Variants in MARF1 observed in about 807,000 individuals in gnomAD.
MARF1 encodes the protein meiosis regulator and mRNA stability factor 1, also known as limkain-b1.
In MARF1, 24 loss-of-function variants were observed where a neutral mutation model predicts 168.2. The observed-to-expected ratio is 0.14, with a 90% confidence interval of 0.10 to 0.20. MARF1 has a LOEUF of 0.20. MARF1 is among the 10% of genes least tolerant of loss of function. MARF1 has a pLI of 1.00. For missense variants in MARF1, 1,744 were observed against 2,143.6 expected, an observed-to-expected ratio of 0.81 and a Z score of 3.68; for synonymous variants, 868 against 822.4, an observed-to-expected ratio of 1.06 and a Z score of -0.95.
intron 20 of MARF1, 48 bp from the exon 21 acceptor site, chr16:15,608,566 G>C (rs753970099): frequency 7.1e-7 from 1 of 1,412,272 alleles, no homozygotes. Context: ...CAAATCACGG[G>C]TGTTTACAGA....
chr16:15,613,010 C>T (rs1300410907), intron 16 of MARF1, among the ~76,000 whole-genome samples: 2 of 152,108 alleles, frequency 1.3e-5, no homozygotes, highest in East Asian at 1.9e-4. Context: ...CAAAGTTAAG[C>T]GGCCAAGGTA....
At chr16:15,629,524 T>C (rs892950638) in intron 7 of MARF1, among the ~76,000 whole-genome samples, 1 of 152,282 alleles carries the variant, frequency 6.6e-6, no homozygotes, top group South Asian at 2.1e-4. Context: ...AGACTTTGCA[T>C]GAGATCATGT....
chr16:15,620,194 A>C (rs8044762), intron 13 of MARF1, among the ~76,000 whole-genome samples: 143 of 151,854 alleles, frequency 9.4e-4, no homozygotes, highest in African/African-American at 3.4e-3. Flanking sequence ...ACAAACAAAC[A>C]AAAAAAACAA....
intron 23 of MARF1, chr16:15,601,157 A>T (rs536481591): frequency 2.2e-6 from 1 of 449,150 alleles, no homozygotes; most frequent in East Asian, 7.0e-5. Flanking sequence ...AGCCAAGCAG[A>T]GTGGTAGTAG....
intron 25 of MARF1, chr16:15,599,296 G>A: frequency 2.1e-6 from 1 of 471,160 alleles, no homozygotes; most frequent in Non-Finnish European, 3.8e-6. Flanking sequence ...CCAGAGAAAA[G>A]GGTCCTGCAG....
In MARF1 at chr16:15,596,142, T is replaced by TC. The variant is rs1214013680; in HGVS notation, c.*550dup. On this transcript the variant is annotated 3_prime_UTR_variant, in exon 27 of 27. Transcript: ENST00000396368. ...CAAGTCACATGGAAGCCAGGAACCT[T>TC]CACATTCCAACCTGAAAATACACTC... 6.5e-6 allele frequency: 1 copy of TC among 152,694 alleles called. No homozygotes were observed. The highest frequency in any genetic ancestry group is 6.5e-5 in the Admixed American group (1 of 15,288). 9.5% of individuals were successfully genotyped at this position (152,694 alleles called of 1,614,324 possible).
intron 4 of MARF1, 58 bp from the exon 5 acceptor site, chr16:15,633,901 A>G: frequency 2.2e-6 from 3 of 1,360,494 alleles, no homozygotes; most frequent in African/African-American, 1.5e-5. Flanking sequence ...GCAAGTTACA[A>G]TAAGATAATA....
At chr16:15,636,419 C>T in intron 2 of MARF1, 77 bp from the exon 3 acceptor site, 1 of 1,017,804 alleles carries the variant, frequency 9.8e-7, no homozygotes, top group Non-Finnish European at 1.4e-6. Flanking sequence ...TTACTGCATG[C>T]ACAAACAGAA....
rs1261291576 is a variant in MARF1, at chr16:15,604,358, T to C, written c.4223A>G (p.Asn1408Ser). 2 of 1,614,136 alleles carry C rather than the reference T, an allele frequency of 1.2e-6. No individual in the cohort carries two copies. Among genetic ancestry groups the C allele is most frequent in the African/African-American group, 1.3e-5 (1 of 75,046 alleles). The change falls in exon 22 of 27, where the codon AAC becomes AGC. Residue 1408 changes from asparagine (N) to serine (S), a missense_variant. Transcript: ENST00000396368. The part of the protein sequence containing the change: ...IESGRQIQLI[N>S]RKSLRSLTAQ... ...AGTGAGAGATCGCAGAGACTTTCGG[T>C]TGATCAGCTGAATCTGTCTGCCAGA...
At chr16:15,641,174 GA>G (rs976722089) in intron 1 of MARF1, among the ~76,000 whole-genome samples, 24 of 149,200 alleles carry the variant, frequency 1.6e-4, no homozygotes, top group African/African-American at 2.0e-4. Flanking sequence ...GCATTACAGA[GA>G]AAAAAAAAAT....
intron 16 of MARF1, among the ~76,000 whole-genome samples, chr16:15,614,567 T>C (rs1302049625): frequency 5.7e-5 from 8 of 141,008 alleles, no homozygotes; most frequent in South Asian, 2.3e-4. Context: ...GGGCGGATCA[T>C]GAGGTCAGGA....
At chr16:15,623,975 G>T (rs148186865) in intron 10 of MARF1, among the ~76,000 whole-genome samples, 2 of 147,262 alleles carry the variant, frequency 1.4e-5, no homozygotes, top group Non-Finnish European at 3.0e-5. Context: ...GCAGTCATGC[G>T]ATCTGAGCTC....
Position 15,635,144 on chromosome 16 carries a change from T to G in MARF1, c.832-213A>C, listed in dbSNP as rs934520218. 3 of 516,932 alleles carry G rather than the reference T, an allele frequency of 5.8e-6. No individual in the cohort carries two copies. In the Admixed American group the frequency reaches 1.1e-4, roughly 18 times the overall value. 32.0% of individuals were successfully genotyped at this position (516,932 alleles called of 1,614,324 possible). ...AGTGACTTGACATGATCAAGAAAGA[T>G]ATTCACGTGGTCAGATCTTTACATT... On this transcript the variant is annotated intron_variant, in intron 3 of 26. Coordinates refer to ENST00000396368, the MANE Select transcript of MARF1 (RefSeq NM_014647.4).
Position 15,636,155 on chromosome 16 carries a change from G to C in MARF1, c.332C>G (p.Thr111Ser). Residue 111 changes from threonine (T) to serine (S), a missense_variant, in exon 3 of 27, where the codon ACT (threonine) becomes AGT (serine). Around this residue, in one of 7 missense-constraint regions of MARF1, gnomAD observed 318 missense variants for 336.6 expected, o/e 0.94. Coordinates refer to ENST00000396368, the MANE Select transcript of MARF1 (RefSeq NM_014647.4). ...CCAHCPNEPS[T>S]SPMRFGGGGG... ...ACCACCACCAAAACGCATTGGCGAA[G>C]TGGAGGGTTCATTAGGGCAATGAGC... is the stretch of plus-strand genomic sequence containing the variant. The C allele has an allele frequency of 6.2e-7, 1 of 1,614,244 alleles. No individual in the cohort carries two copies. The highest frequency in any genetic ancestry group is 2.2e-5 in the East Asian group (1 of 44,884).
chr16:15,627,962 T>C (rs1163654091), intron 7 of MARF1, among the ~76,000 whole-genome samples: 1 of 152,186 alleles, frequency 6.6e-6, no homozygotes, highest in Non-Finnish European at 1.5e-5. Flanking sequence ...AGAACTCTTA[T>C]GCCTTGGAAA....
At chr16:15,620,253 A>G (rs960197162) in intron 13 of MARF1, among the ~76,000 whole-genome samples, 198 bp downstream of exon 13, 5 of 152,212 alleles carry the variant, frequency 3.3e-5, no homozygotes, top group African/African-American at 1.2e-4. Flanking sequence ...CTGAGGACCA[A>G]AGGTCTAACT....
At chr16:15,597,040 A>C (rs2031784504) in intron 26 of MARF1, 103 bp from the exon 27 acceptor site, 2 of 1,294,130 alleles carry the variant, frequency 1.5e-6, no homozygotes, top group Non-Finnish European at 2.1e-6. Flanking sequence ...AATAGTAATA[A>C]AAAGCTTCTA....
At chr16:15,621,008 T>C (rs1181262712) in intron 12 of MARF1, among the ~76,000 whole-genome samples, 3 of 152,170 alleles carry the variant, frequency 2.0e-5, no homozygotes, top group Non-Finnish European at 2.9e-5. Flanking sequence ...CTTTGGGCCA[T>C]AGGCCTGTGG....
chr16:15,639,033 C>T, intron 2 of MARF1, 57 bp downstream of exon 2: 1 of 1,535,060 alleles, frequency 6.5e-7, no homozygotes, highest in Non-Finnish European at 8.8e-7. Flanking sequence ...CCAAATGGAC[C>T]TCTCTCATCT....
Sources: gnomAD v4.1 joint callset for allele counts (sites outside exome capture counted in the v4.1 genomes callset) on GRCh38, gnomAD v4.1.1 for gene constraint, gnomAD v4.1.1 regional missense constraint, MANE v1.5 for transcripts, NCBI Gene and HGNC (gene_info 2026-07-23, HGNC 2026-07-21) for gene names.